Variants in TTC7B observed in about 807,000 individuals in gnomAD.
TTC7B encodes the protein tetratricopeptide repeat domain 7B, also known as tetratricopeptide repeat protein 7B.
In TTC7B, 28 loss-of-function variants were observed where a neutral mutation model predicts 106.8. The observed-to-expected ratio is 0.26, with a 90% CI of 0.19 to 0.36. TTC7B has a LOEUF of 0.36. Ranked by LOEUF, TTC7B falls within the 10% of genes least tolerant of loss-of-function variation. The pLI, the probability that TTC7B is intolerant of heterozygous loss-of-function variation, is 1.00. For synonymous variants in TTC7B, 405 were observed against 430.6 expected (o/e 0.94, Z 0.74); for missense variants, 862 against 1,076.4 (o/e 0.80, Z 2.79).
At chr14:90,800,910 G>A (rs1419178442) in intron 1 of TTC7B, among the ~76,000 whole-genome samples, 2 of 152,052 alleles carry the variant, frequency 1.3e-5, no homozygotes, top group Non-Finnish European at 2.9e-5. Flanking sequence ...AGGCAGCCAG[G>A]CACGATGGCT....
rs751994402 is a variant in TTC7B at position 90,536,027 on chromosome 14, G to A, written c.*5341C>T. On this transcript the variant is annotated 3_prime_UTR_variant, in exon 20 of 20. Transcript: ENST00000328459. The stretch of plus-strand genomic sequence containing the variant: ...TCTCCAAATATAGTCACACAGGGGC[G>A]GGGGCTCCACCCTATGAATCTGGGG... 15 of 154,042 alleles carry A rather than the reference G, an allele frequency of 9.7e-5. No homozygotes were observed. Among genetic ancestry groups the A allele is most frequent in the Admixed American group, 3.3e-4 (5 of 15,288 alleles). 9.5% of individuals were successfully genotyped at this position (154,042 alleles called of 1,614,324 possible).
chr14:90,781,133 A>G (rs8012052), intron 2 of TTC7B, among the ~76,000 whole-genome samples: 7,427 of 152,312 alleles, frequency 0.049, 309 homozygotes, highest in African/African-American at 0.11. Flanking sequence ...AGTTGTAGTA[A>G]AGAATGAAGT....
intron 18 of TTC7B, chr14:90,585,847 T>G (rs1781046081): frequency 6.6e-6 from 1 of 152,322 alleles, no homozygotes; most frequent in African/African-American, 2.4e-5. Flanking sequence ...CCACACCAGA[T>G]GGCATCCATC....
chr14:90,610,245 C>G (rs554353690), intron 17 of TTC7B, among the ~76,000 whole-genome samples: 1 of 152,242 alleles, frequency 6.6e-6, no homozygotes, highest in Non-Finnish European at 1.5e-5. Context: ...GTGGAACACA[C>G]ACACGACGAG....
At chr14:90,690,596 G>T (rs1887432762) in intron 6 of TTC7B, among the ~76,000 whole-genome samples, 1 of 152,134 alleles carries the variant, frequency 6.6e-6, no homozygotes, top group African/African-American at 2.4e-5. Context: ...AAGAGGATAA[G>T]TAATTTAAAA....
At chr14:90,669,016 T>C (rs1886527912) in intron 9 of TTC7B, among the ~76,000 whole-genome samples, 1 of 152,038 alleles carries the variant, frequency 6.6e-6, no homozygotes, top group Non-Finnish European at 1.5e-5. Context: ...AAGATACATA[T>C]ACAGACCAAA....
chr14:90,799,684 TG>T (rs1485106889), intron 1 of TTC7B, among the ~76,000 whole-genome samples: 1 of 152,028 alleles, frequency 6.6e-6, no homozygotes, highest in Non-Finnish European at 1.5e-5. Context: ...CCCGTGTGGC[TG>T]GGTGGAGGGA....
At chr14:90,733,064 C>T (rs1889385420) in intron 4 of TTC7B, among the ~76,000 whole-genome samples, 1 of 152,122 alleles carries the variant, frequency 6.6e-6, no homozygotes, top group Non-Finnish European at 1.5e-5. Context: ...TTTTACTTAC[C>T]CAGTGTCTAG....
At chr14:90,787,596 A>G (rs1891435931) in intron 1 of TTC7B, among the ~76,000 whole-genome samples, 1 of 152,138 alleles carries the variant, frequency 6.6e-6, no homozygotes, top group African/African-American at 2.4e-5. Context: ...ATCTAAAATT[A>G]ATTCAAAAAG....
At chr14:90,682,820 G>A (rs190732422) in intron 7 of TTC7B, among the ~76,000 whole-genome samples, 2 of 152,208 alleles carry the variant, frequency 1.3e-5, no homozygotes, top group African/African-American at 2.4e-5. Flanking sequence ...CAGCTGCTGC[G>A]CTGAGAATGG....
chr14:90,694,272 C>G, intron 6 of TTC7B, among the ~76,000 whole-genome samples: 1 of 152,036 alleles, frequency 6.6e-6, no homozygotes, highest in African/African-American at 2.4e-5. Flanking sequence ...TGGTATCATT[C>G]CAGTTATAGC....
chr14:90,643,163 CT>C (rs1885257896), intron 15 of TTC7B, among the ~76,000 whole-genome samples: 1 of 152,120 alleles, frequency 6.6e-6, no homozygotes, highest in Admixed American at 6.5e-5. Context: ...AATCCCAGCA[CT>C]TTGGGAGACC....
At chr14:90,666,912 C>T (rs1886432655) in intron 9 of TTC7B, among the ~76,000 whole-genome samples, 1 of 152,200 alleles carries the variant, frequency 6.6e-6, no homozygotes, top group Admixed American at 6.5e-5. Flanking sequence ...ATCAAGTAGA[C>T]CAAGCTTGCA....
intron 1 of TTC7B, among the ~76,000 whole-genome samples, chr14:90,810,322 A>T: frequency 6.6e-6 from 1 of 152,186 alleles, no homozygotes; most frequent in East Asian, 1.9e-4. Context: ...AGGGCTTCCG[A>T]AAAAGGGTTT....
At chr14:90,673,608 G>C in intron 9 of TTC7B, among the ~76,000 whole-genome samples, 1 of 152,164 alleles carries the variant, frequency 6.6e-6, no homozygotes, top group East Asian at 1.9e-4. Context: ...ATGGAGCTCA[G>C]AGAAAGGTAA....
intron 1 of TTC7B, among the ~76,000 whole-genome samples, chr14:90,793,977 A>C (rs1361724570): frequency 6.6e-6 from 1 of 151,712 alleles, no homozygotes; most frequent in African/African-American, 2.4e-5. Context: ...ACCTCGGCTC[A>C]CTACAGCCTC....
intron 16 of TTC7B, 97 bp downstream of exon 16, chr14:90,617,832 G>T: frequency 1.1e-6 from 1 of 908,956 alleles, no homozygotes; most frequent in South Asian, 1.4e-5. Flanking sequence ...GCACAGGGGT[G>T]ACAGAGTTAA....
intron 15 of TTC7B, among the ~76,000 whole-genome samples, chr14:90,641,840 T>C (rs1263025714): frequency 6.6e-6 from 1 of 152,142 alleles, no homozygotes; most frequent in East Asian, 1.9e-4. Flanking sequence ...GGCTATTAGT[T>C]TAATAAGCCT....
chr14:90,727,411 A>C (rs1337625109), intron 5 of TTC7B, among the ~76,000 whole-genome samples: 1 of 152,250 alleles, frequency 6.6e-6, no homozygotes, highest in Non-Finnish European at 1.5e-5. Context: ...TCTAAACAAT[A>C]GGGGCAATAC....
Sources: allele counts gnomAD v4.1 joint callset (sites outside exome capture counted in the v4.1 genomes callset), GRCh38; gene constraint gnomAD v4.1.1; transcripts MANE v1.5; gene names NCBI Gene and HGNC (gene_info 2026-07-23, HGNC 2026-07-21).